Variants in NLGN1 observed in about 807,000 individuals in gnomAD.
NLGN1 encodes neuroligin-1.
In NLGN1, 12 loss-of-function variants were observed where a neutral mutation model predicts 65.5. The observed-to-expected ratio is 0.18, with a 90% confidence interval of 0.12 to 0.30. NLGN1 has a LOEUF of 0.30. Ranked by LOEUF, NLGN1 falls within the 10% of genes least tolerant of loss-of-function variation. The pLI, the probability that NLGN1 is intolerant of heterozygous loss-of-function variation, is 1.00. For missense variants in NLGN1, 750 were observed against 1,007.1 expected, an observed-to-expected ratio of 0.74 and a Z score of 3.46; for synonymous variants, 350 against 359.5, an observed-to-expected ratio of 0.97 and a Z score of 0.30.
intron 2 of NLGN1, among the ~76,000 whole-genome samples, chr3:173,455,502 T>C (rs1446206393): frequency 1.3e-5 from 2 of 152,102 alleles, no homozygotes; most frequent in African/African-American, 4.8e-5. Context: ...CCCTAATAGA[T>C]ACAATAGTAA....
intron 2 of NLGN1, among the ~76,000 whole-genome samples, chr3:173,555,668 A>G (rs1447122225): frequency 6.6e-6 from 1 of 152,082 alleles, no homozygotes; most frequent in Admixed American, 6.6e-5. Context: ...TTTTTTGTAG[A>G]GATGGGATTT....
intron 4 of NLGN1, among the ~76,000 whole-genome samples, chr3:173,845,653 T>C (rs78300046): frequency 0.019 from 2,918 of 152,110 alleles, 120 homozygotes; most frequent in East Asian, 0.19. Flanking sequence ...GATAGATAAA[T>C]AGACGAATTA....
chr3:173,806,701 G>A (rs1470505474), intron 3 of NLGN1, among the ~76,000 whole-genome samples: 1 of 151,926 alleles, frequency 6.6e-6, no homozygotes, highest in Non-Finnish European at 1.5e-5. Flanking sequence ...AGAAATCAGT[G>A]CATTTTTCAT....
chr3:173,525,932 T>C (rs1735572039), intron 2 of NLGN1, among the ~76,000 whole-genome samples: 1 of 152,164 alleles, frequency 6.6e-6, no homozygotes, highest in African/African-American at 2.4e-5. Context: ...TGGTATTCAT[T>C]TCTAATTTTA....
At chr3:174,177,351 C>T (rs73036585) in intron 4 of NLGN1, among the ~76,000 whole-genome samples, 23,545 of 151,906 alleles carry the variant, frequency 0.15, 3,576 homozygotes, top group African/African-American at 0.4. Context: ...AAAGCTTCTT[C>T]AGAAAATCAC....
chr3:173,862,881 T>G (rs890651844), intron 4 of NLGN1, among the ~76,000 whole-genome samples: 3 of 151,960 alleles, frequency 2.0e-5, no homozygotes, highest in Non-Finnish European at 2.9e-5. Flanking sequence ...CTCTGTGCCT[T>G]GCTCACTTCT....
exon 3 of NLGN1, chr3:173,604,608 C>T: frequency 6.2e-7 from 1 of 1,613,300 alleles, no homozygotes. Flanking sequence ...CATGGCACTG[C>T]CCAGATGCAC....
At chr3:173,813,703 A>C (rs1235541933) in intron 4 of NLGN1, among the ~76,000 whole-genome samples, 1 of 152,376 alleles carries the variant, frequency 6.6e-6, no homozygotes, top group South Asian at 2.1e-4. Context: ...TATGTACAAC[A>C]GTTGAACACA....
At chr3:173,999,814 C>G (rs554138386) in intron 4 of NLGN1, among the ~76,000 whole-genome samples, 1 of 152,104 alleles carries the variant, frequency 6.6e-6, no homozygotes, top group South Asian at 2.1e-4. Flanking sequence ...CTGAATCCAC[C>G]CTTGAAGAGT....
chr3:173,541,099 G>C (rs528973866), intron 2 of NLGN1, among the ~76,000 whole-genome samples: 1 of 152,180 alleles, frequency 6.6e-6, no homozygotes, highest in East Asian at 1.9e-4. Context: ...GAACACTCTA[G>C]GAAACAGTAT....
intron 4 of NLGN1, among the ~76,000 whole-genome samples, chr3:173,834,791 C>A (rs920357347): frequency 2.6e-5 from 4 of 152,160 alleles, no homozygotes; most frequent in African/African-American, 9.7e-5. Flanking sequence ...TCATGCTGTC[C>A]CTCACTATGC....
chr3:174,256,650 C>T (rs548512713), intron 4 of NLGN1, among the ~76,000 whole-genome samples: 71 of 152,120 alleles, frequency 4.7e-4, no homozygotes, highest in Non-Finnish European at 8.5e-4. Context: ...TTTTATGCCT[C>T]TTTTTTGGAA....
intron 1 of NLGN1, among the ~76,000 whole-genome samples, chr3:173,405,382 T>G (rs1448681207): frequency 6.6e-6 from 1 of 151,976 alleles, no homozygotes; most frequent in Admixed American, 6.6e-5. Context: ...ATACCAACAA[T>G]TTTCACATAT....
chr3:174,127,213 G>A (rs1253084266), intron 4 of NLGN1, among the ~76,000 whole-genome samples: 3 of 152,124 alleles, frequency 2.0e-5, no homozygotes, highest in Non-Finnish European at 4.4e-5. Context: ...TCATGCCCAA[G>A]TGTGTGGTAG....
intron 4 of NLGN1, among the ~76,000 whole-genome samples, chr3:174,080,238 T>A (rs566889191): frequency 1.4e-4 from 22 of 152,298 alleles, no homozygotes; most frequent in East Asian, 5.8e-4. Context: ...TTTCCTATAG[T>A]TCTGTTACCG....
chr3:174,124,549 ATATATATACG>A (rs1371821541), intron 4 of NLGN1, among the ~76,000 whole-genome samples: 4 of 147,796 alleles, frequency 2.7e-5, no homozygotes, highest in African/African-American at 7.4e-5. Flanking sequence ...ACATATACTT[ATATATATACG>A]TATATATACG....
chr3:173,944,542 A>G (rs1418144796), intron 4 of NLGN1, among the ~76,000 whole-genome samples: 1 of 152,124 alleles, frequency 6.6e-6, no homozygotes, highest in Non-Finnish European at 1.5e-5. Flanking sequence ...GATGTTTGCC[A>G]CCAAGGGTAT....
chr3:173,761,368 G>A (rs933214980), intron 3 of NLGN1, among the ~76,000 whole-genome samples: 1 of 151,948 alleles, frequency 6.6e-6, no homozygotes, highest in African/African-American at 2.4e-5. Flanking sequence ...CAGAAGAAAG[G>A]TTGATTAGAT....
At chr3:173,685,539 A>G (rs1262687757) in intron 3 of NLGN1, 2 of 530,812 alleles carry the variant, frequency 3.8e-6, no homozygotes, top group Non-Finnish European at 4.8e-6. Flanking sequence ...CAGCCCCTGC[A>G]TAGAACAAGG....
Sources: allele counts gnomAD v4.1 joint callset (sites outside exome capture counted in the v4.1 genomes callset), GRCh38; gene constraint gnomAD v4.1.1; transcripts MANE v1.5; gene names NCBI Gene and HGNC (gene_info 2026-07-23, HGNC 2026-07-21).